The following AKIRIN2 variants were observed in gnomAD, a reference collection of about 807,000 sequenced individuals.
The protein encoded by AKIRIN2 is akirin-2.
A neutral mutation model predicts 29.3 loss-of-function variants in AKIRIN2; 6 were observed. The ratio of observed to expected loss-of-function variants is 0.20; its 90% CI spans 0.11 to 0.40. The LOEUF is 0.40. Among genes scored for constraint, AKIRIN2 ranks in the 10% least tolerant of loss-of-function variants. AKIRIN2 has a pLI of 1.00. For missense variants in AKIRIN2, 210 were observed against 276.1 expected, an observed-to-expected ratio of 0.76 and a Z score of 1.70; for synonymous variants, 128 against 117.5, an observed-to-expected ratio of 1.09 and a Z score of -0.58.
chr6:87,675,637 A>T (rs377274325), intron 4 of AKIRIN2, 30 bp from the exon 5 acceptor site: 69 of 1,612,620 alleles, frequency 4.3e-5, no homozygotes, highest in Non-Finnish European at 5.8e-5. Context: ...AAATTAGTGC[A>T]AAATACAGGT....
intron 1 of AKIRIN2, among the ~76,000 whole-genome samples, chr6:87,693,876 C>T (rs1403628824): frequency 6.6e-6 from 1 of 152,166 alleles, no homozygotes; most frequent in Non-Finnish European, 1.5e-5. Flanking sequence ...GTCCCCCTCT[C>T]TATCATAGCA....
chr6:87,698,483 G>C (rs1282965903), intron 1 of AKIRIN2, among the ~76,000 whole-genome samples: 1 of 151,578 alleles, frequency 6.6e-6, no homozygotes, highest in Non-Finnish European at 1.5e-5. Flanking sequence ...TAATTCTTTT[G>C]ATTCTTTTCC....
intron 1 of AKIRIN2, among the ~76,000 whole-genome samples, chr6:87,696,427 C>T (rs1468286236): frequency 1.3e-5 from 2 of 151,976 alleles, no homozygotes; most frequent in Non-Finnish European, 2.9e-5. Flanking sequence ...GGGAGCTGGG[C>T]GCAGTGGCTC....
intron 1 of AKIRIN2, among the ~76,000 whole-genome samples, chr6:87,687,206 G>C (rs1771201656): frequency 6.8e-6 from 1 of 147,360 alleles, no homozygotes; most frequent in Non-Finnish European, 1.5e-5. Flanking sequence ...GTACAGTTCT[G>C]AACTACATAC....
chr6:87,685,359 G>A (rs760285449), intron 1 of AKIRIN2, among the ~76,000 whole-genome samples: 3 of 152,194 alleles, frequency 2.0e-5, no homozygotes, highest in Admixed American at 6.5e-5. Context: ...GCTCGATCTA[G>A]ATACTTGGCT....
At chr6:87,676,601 A>ACGCACGCGCGCGCG (rs1220775678) in intron 3 of AKIRIN2, among the ~76,000 whole-genome samples, 3 of 26,638 alleles carry the variant, frequency 1.1e-4, no homozygotes, top group African/African-American at 2.2e-4. Flanking sequence ...CTAAAAACAC[A>ACGCACGCGCGCGCG]CACACACACA....
intron 1 of AKIRIN2, among the ~76,000 whole-genome samples, chr6:87,696,886 A>T (rs1208291323): frequency 6.6e-5 from 10 of 150,420 alleles, no homozygotes; most frequent in Non-Finnish European, 1.2e-4. Flanking sequence ...TGCGCCTGTA[A>T]TCCCGGCTAC....
intron 1 of AKIRIN2, among the ~76,000 whole-genome samples, chr6:87,692,925 G>A (rs1303437130): frequency 6.6e-6 from 1 of 151,102 alleles, no homozygotes; most frequent in Non-Finnish European, 1.5e-5. Flanking sequence ...CAAAAAATGG[G>A]ATTGTCAAGA....
chr6:87,676,779 T>TA (rs927940404), intron 3 of AKIRIN2, among the ~76,000 whole-genome samples: 4,602 of 122,062 alleles, frequency 0.038, 242 homozygotes, highest in African/African-American at 0.13. Flanking sequence ...GACTCCATCT[T>TA]AAAAAAAAAA....
rs898624289 is a variant in AKIRIN2 at position 87,675,070 on chromosome 6, T to TCATA, written c.*523_*526dup. ...AATAAAACTACAAAAAAAAAAAAAA[T>TCATA]CATACAAACCCATTCTGAAACCCCA... On this transcript the variant is annotated 3_prime_UTR_variant, in exon 5 of 5. Coordinates refer to ENST00000257787, the MANE Select transcript of AKIRIN2 (RefSeq NM_018064.4). The TCATA allele has an allele frequency of 1.4e-5, 2 of 140,052 alleles. No homozygotes were observed. Among genetic ancestry groups the TCATA allele is most frequent in the Non-Finnish European group, 3.1e-5 (2 of 65,292 alleles). 8.7% of individuals were successfully genotyped at this position (140,052 alleles called of 1,614,324 possible). A position where few individuals can be genotyped will look rare whatever the true frequency, so the allele number is the denominator to read the frequency against.
intron 1 of AKIRIN2, among the ~76,000 whole-genome samples, chr6:87,685,361 T>TA (rs1334010407): frequency 6.6e-6 from 1 of 152,240 alleles, no homozygotes; most frequent in Non-Finnish European, 1.5e-5. Flanking sequence ...TCGATCTAGA[T>TA]ACTTGGCTAA....
At chr6:87,696,104 C>CA (rs1377827386) in intron 1 of AKIRIN2, among the ~76,000 whole-genome samples, 1 of 151,962 alleles carries the variant, frequency 6.6e-6, no homozygotes, top group Admixed American at 6.6e-5. Flanking sequence ...CATTTGAGCC[C>CA]AGGAGGCAGA....
chr6:87,690,195 A>T (rs1771256017), intron 1 of AKIRIN2, among the ~76,000 whole-genome samples: 1 of 150,718 alleles, frequency 6.6e-6, no homozygotes, highest in Non-Finnish European at 1.5e-5. Flanking sequence ...AACAACAGCG[A>T]AACTCCATCT....
Position 87,701,723 on chromosome 6 carries a change from G to A in AKIRIN2, c.-39C>T. 7.3e-7 allele frequency: 1 copy of A among 1,366,368 alleles called. No individual in the cohort carries two copies. Among genetic ancestry groups the A allele is most frequent in the South Asian group, 1.6e-5 (1 of 61,800 alleles). The allele number at this position is 1,366,368 out of a possible 1,614,324, so 84.6% of individuals were successfully genotyped here. A position where few individuals can be genotyped will look rare whatever the true frequency, so the allele number is the denominator to read the frequency against. On this transcript the variant is annotated 5_prime_UTR_variant, in exon 1 of 5. Transcript: ENST00000257787. ...TGAGGCGCCGGGCTCGGGTGGGGTC[G>A]GGGACGGGTGACGAAAGAAGAGGGT...
chr6:87,675,724 T>C, intron 4 of AKIRIN2, 117 bp from the exon 5 acceptor site: 1 of 1,469,074 alleles, frequency 6.8e-7, no homozygotes, highest in Non-Finnish European at 9.4e-7. Context: ...ACTTGCAAAG[T>C]TATGCTGCCT....
chr6:87,676,382 C>T (rs1375905527), intron 3 of AKIRIN2, among the ~76,000 whole-genome samples: 4 of 132,512 alleles, frequency 3.0e-5, no homozygotes, highest in African/African-American at 1.2e-4. Context: ...AGGAGAATGG[C>T]GTGAACCCAG....
intron 3 of AKIRIN2, among the ~76,000 whole-genome samples, chr6:87,676,539 G>C (rs1770995461): frequency 6.7e-6 from 1 of 148,996 alleles, no homozygotes; most frequent in Non-Finnish European, 1.5e-5. Context: ...GGCACATCAT[G>C]AGGTCAGAAG....
chr6:87,676,622 C>A (rs1047682053), intron 3 of AKIRIN2, among the ~76,000 whole-genome samples: 52 of 123,290 alleles, frequency 4.2e-4, no homozygotes, highest in Admixed American at 1.8e-3. Context: ...CACACACACA[C>A]ACACAAACAT....
At chr6:87,682,889 G>A (rs1214009708) in intron 1 of AKIRIN2, among the ~76,000 whole-genome samples, 1 of 152,052 alleles carries the variant, frequency 6.6e-6, no homozygotes, top group African/African-American at 2.4e-5. Context: ...CCAAGAGTTC[G>A]AGACCAGCCT....
Sources: allele counts gnomAD v4.1 joint callset (sites outside exome capture counted in the v4.1 genomes callset), GRCh38; gene constraint gnomAD v4.1.1; transcripts MANE v1.5; gene names NCBI Gene and HGNC (gene_info 2026-07-23, HGNC 2026-07-21).